Variants in ITM2B observed in about 807,000 individuals in gnomAD.
ITM2B encodes the protein ABri/ADan amyloid peptide.
Under a neutral mutation model 27.8 loss-of-function variants are expected in ITM2B, and 11 were observed. The ratio of observed to expected loss-of-function variants is 0.40; its 90% CI spans 0.25 to 0.66. The LOEUF (loss-of-function observed/expected upper bound fraction) is 0.66. Ranked by LOEUF, ITM2B falls within the 30% of genes least tolerant of loss-of-function variation. ITM2B has a pLI of 0.43. For synonymous variants in ITM2B, 114 were observed against 114.3 expected (o/e 1.00, Z 0.02); for missense variants, 296 against 328.9 (o/e 0.90, Z 0.77).
At chr13:48,239,802 G>A (rs549074956) in intron 1 of ITM2B, among the ~76,000 whole-genome samples, 9 of 152,306 alleles carry the variant, frequency 5.9e-5, no homozygotes, top group African/African-American at 1.7e-4. Flanking sequence ...CCTTTAAAGT[G>A]GAACGCAGGA....
chr13:48,270,075 T>G lies in ITM2B; in HGVS notation c.*8851T>G, dbSNP rs569920038. 1.3e-5 allele frequency: 2 copies of G among 152,360 alleles called. No individual in the cohort carries two copies. Among genetic ancestry groups the G allele is most frequent in the East Asian group, 3.9e-4 (2 of 5,182 alleles). 9.4% of individuals were successfully genotyped at this position (152,360 alleles called of 1,614,324 possible). A position where few individuals can be genotyped will look rare whatever the true frequency, so the allele number is the denominator to read the frequency against. On this transcript the variant is annotated 3_prime_UTR_variant, in exon 6 of 6. Transcript: ENST00000647800. ...ACTAGGGCAGAGAAGCACAGAACCG[T>G]GGGCACTGCTTCCCTTCCTTTAACC...
In ITM2B at chr13:48,261,330, CAA is replaced by C; in HGVS notation, c.*108_*109del. ...TTAAAGTCTTCTTTCATGTAAGTAGCAAACAGGGCTTTACTATCTTTTCATCT... is the reference window on the plus strand; with the variant it reads ...TTAAAGTCTTCTTTCATGTAAGTAGCACAGGGCTTTACTATCTTTTCATCT... On this transcript the variant is annotated 3_prime_UTR_variant, in exon 6 of 6. Coordinates refer to ENST00000647800, the MANE Select transcript of ITM2B (RefSeq NM_021999.5). The C allele has an allele frequency of 1.2e-6, 1 of 806,944 alleles. No individual in the cohort carries two copies. The highest frequency in any genetic ancestry group is 2.1e-6 in the Non-Finnish European group (1 of 466,368). The allele number at this position is 806,944 out of a possible 1,614,324, so 50.0% of individuals were successfully genotyped here. A position where few individuals can be genotyped will look rare whatever the true frequency, so the allele number is the denominator to read the frequency against.
Position 48,258,222 on chromosome 13 carries a change from C to T in ITM2B, c.550C>T (p.Leu184Phe). ...GCCACCCAGAAACCTACTGGAGTTA[C>T]TTATTAACATCAAGGTATAAGAATG... ...VMPPRNLLEL[L>F]INIKAGTYLP... Residue 184 changes from leucine (L) to phenylalanine (F), a missense_variant, in exon 4 of 6, where the codon CTT becomes TTT. Physicochemically the swap from Leu to Phe is conservative, Grantham distance 22 (BLOSUM62 0). Transcript: ENST00000647800. 1.3e-6 allele frequency: 2 copies of T among 1,502,068 alleles called. No homozygotes were observed. The highest frequency in any genetic ancestry group is 1.9e-6 in the Non-Finnish European group (2 of 1,078,096). 93.0% of individuals were successfully genotyped at this position (1,502,068 alleles called of 1,614,324 possible).
At chr13:48,247,592 A>G (rs1372522581) in intron 1 of ITM2B, among the ~76,000 whole-genome samples, 2 of 152,234 alleles carry the variant, frequency 1.3e-5, no homozygotes, top group African/African-American at 2.4e-5. Context: ...GAAAAAATAT[A>G]CATTTTATTT....
intron 1 of ITM2B, among the ~76,000 whole-genome samples, chr13:48,246,902 C>T (rs1447220410): frequency 6.6e-6 from 1 of 152,230 alleles, no homozygotes; most frequent in Non-Finnish European, 1.5e-5. Flanking sequence ...CATCTCAGCT[C>T]ACTGCAACCT....
At chr13:48,253,992 A>C in intron 2 of ITM2B, 56 bp downstream of exon 2, 1 of 1,518,182 alleles carries the variant, frequency 6.6e-7, no homozygotes, top group Non-Finnish European at 9.1e-7. Context: ...GCCTCTCCCG[A>C]TGTGCATTAC....
Position 48,265,216 on chromosome 13 carries a change from C to T in ITM2B, c.*3992C>T, listed in dbSNP as rs534684791. 6.6e-6 allele frequency: 1 copy of T among 152,244 alleles called. No homozygotes were observed. Among genetic ancestry groups the T allele is most frequent in the African/African-American group, 2.4e-5 (1 of 41,530 alleles). The allele number at this position is 152,244 out of a possible 1,614,324, so 9.4% of individuals were successfully genotyped here. On this transcript the variant is annotated 3_prime_UTR_variant, in exon 6 of 6. Transcript: ENST00000647800. The stretch of plus-strand genomic sequence containing the variant: ...AAAGTAAATGTTCCCGCCCTTCTAC[C>T]ATCCTCCTTCCTCAGTCCCATTCCC...
intron 1 of ITM2B, among the ~76,000 whole-genome samples, chr13:48,244,318 C>G (rs1026483540): frequency 6.6e-6 from 1 of 152,154 alleles, no homozygotes; most frequent in South Asian, 2.1e-4. Context: ...AAAATCACAC[C>G]GCTGGATCCA....
intron 1 of ITM2B, among the ~76,000 whole-genome samples, chr13:48,235,515 T>G (rs751151534): frequency 2.0e-5 from 3 of 152,224 alleles, no homozygotes; most frequent in Non-Finnish European, 4.4e-5. Context: ...GACAAAATAT[T>G]TCTCTACATT....
At chr13:48,243,105 T>A (rs187085051) in intron 1 of ITM2B, among the ~76,000 whole-genome samples, 10 of 152,230 alleles carry the variant, frequency 6.6e-5, no homozygotes, top group African/African-American at 2.4e-4. Flanking sequence ...TAATTTAAGA[T>A]CAGACAGGAT....
chr13:48,254,048 C>T, intron 2 of ITM2B, 112 bp downstream of exon 2: 1 of 1,021,510 alleles, frequency 9.8e-7, no homozygotes, highest in Non-Finnish European at 1.5e-6. Flanking sequence ...TTATCTGTGA[C>T]CTTCAGCCAG....
In ITM2B at chr13:48,264,224, C is replaced by A. The variant is rs748856037; in HGVS notation, c.*3000C>A. The A allele has an allele frequency of 6.6e-6, 1 of 151,996 alleles. No homozygotes were observed. Among genetic ancestry groups the A allele is most frequent in the Non-Finnish European group, 1.5e-5 (1 of 67,996 alleles). 9.4% of individuals were successfully genotyped at this position (151,996 alleles called of 1,614,324 possible). Reference sequence around the variant, plus strand: ...TTGTTGACAGTGCCTTTTTTGAAACCTATCACTGCTATATGTTAGCAAGCA... The same window carrying A: ...TTGTTGACAGTGCCTTTTTTGAAACATATCACTGCTATATGTTAGCAAGCA... On this transcript the variant is annotated 3_prime_UTR_variant, in exon 6 of 6. Transcript: ENST00000647800.
intron 1 of ITM2B, among the ~76,000 whole-genome samples, chr13:48,243,859 T>TA (rs928344881): frequency 1.4e-4 from 22 of 151,856 alleles, no homozygotes; most frequent in Admixed American, 5.9e-4. Context: ...ATATATTTAA[T>TA]AAAAAAAATC....
intron 5 of ITM2B, among the ~76,000 whole-genome samples, chr13:48,259,518 AAAAG>A (rs1951809896): frequency 6.6e-6 from 1 of 152,186 alleles, no homozygotes; most frequent in African/African-American, 2.4e-5. Context: ...TGTGAAAATA[AAAAG>A]AAAGTACATG....
rs1430278863 is a variant in ITM2B at position 48,235,011 on chromosome 13, C to CATATAT, written c.117+1535_117+1536insTATATA. 6.5e-5 allele frequency among the ~76,000 whole-genome samples: 7 copies of CATATAT among 107,604 alleles called. No individual in the cohort carries two copies. In the East Asian group the frequency reaches 1.6e-3, roughly 24 times the overall value. 70.6% of individuals were successfully genotyped at this position (107,604 alleles called of 152,430 possible). Reference sequence around the variant, plus strand: ...CAAATATATGTAGTCTTAATGCTATCACATATATATATATACACACATACA... The same window carrying CATATAT: ...CAAATATATGTAGTCTTAATGCTATCATATATACATATATATATATACACACATACA... On this transcript the variant is annotated intron_variant, in intron 1 of 5. Transcript: ENST00000647800.
rs1396303804 is a variant in ITM2B, at chr13:48,268,472, T to C, written c.*7248T>C. ...GGCGTATGCCACCATACCTAGTTTGTTTTTGTTATTTTTTTTAGTACAGAT... is the reference window on the plus strand; with the variant it reads ...GGCGTATGCCACCATACCTAGTTTGCTTTTGTTATTTTTTTTAGTACAGAT... On this transcript the variant is annotated 3_prime_UTR_variant, in exon 6 of 6. Transcript: ENST00000647800. 1 of 151,870 alleles carries C rather than the reference T, an allele frequency of 6.6e-6. No individual in the cohort carries two copies. The highest frequency in any genetic ancestry group is 2.4e-5 in the African/African-American group (1 of 41,328). The allele number at this position is 151,870 out of a possible 1,614,324, so 9.4% of individuals were successfully genotyped here. A position where few individuals can be genotyped will look rare whatever the true frequency, so the allele number is the denominator to read the frequency against.
At chr13:48,234,865 A>C (rs1276454853) in intron 1 of ITM2B, among the ~76,000 whole-genome samples, 3 of 152,220 alleles carry the variant, frequency 2.0e-5, no homozygotes, top group African/African-American at 7.2e-5. Flanking sequence ...GTCTTTAAAG[A>C]AAATGTTTGG....
At chr13:48,256,093 G>A in intron 2 of ITM2B, 84 bp from the exon 3 acceptor site, 1 of 945,906 alleles carries the variant, frequency 1.1e-6, no homozygotes, top group Admixed American at 1.7e-5. Flanking sequence ...ATGCTATTTA[G>A]ATAGAGGTGG....
At chr13:48,234,026 A>T (rs1951652851) in intron 1 of ITM2B, among the ~76,000 whole-genome samples, 1 of 152,122 alleles carries the variant, frequency 6.6e-6, no homozygotes, top group Non-Finnish European at 1.5e-5. Flanking sequence ...CGGTAGTGGC[A>T]GGTGAACTTC....
Sources: gnomAD v4.1 joint callset for allele counts (sites outside exome capture counted in the v4.1 genomes callset) on GRCh38, gnomAD v4.1.1 for gene constraint, MANE v1.5 for transcripts, NCBI Gene and HGNC (gene_info 2026-07-23, HGNC 2026-07-21) for gene names.